The following ATP2A2 variants were observed in gnomAD, a reference collection of about 807,000 sequenced individuals.
The protein encoded by ATP2A2 is sarcoplasmic/endoplasmic reticulum calcium ATPase 2.
Under a neutral mutation model 109.3 loss-of-function variants are expected in ATP2A2, and 14 were observed. The observed-to-expected ratio is 0.13, with a 90% CI of 0.08 to 0.20. ATP2A2 has a LOEUF of 0.20. ATP2A2 is among the 10% of genes least tolerant of loss of function. The pLI is 1.00. For missense variants in ATP2A2, 657 were observed against 1,321.6 expected (o/e 0.50, Z 7.80); for synonymous variants, 506 against 490.9 (o/e 1.03, Z -0.41).
At position 110,350,466 on chromosome 12, in the gene ATP2A2, T is replaced by C. The variant is rs1880298652; in HGVS notation, c.*3996T>C. 42 of 1,113,226 alleles carry C rather than the reference T, an allele frequency of 3.8e-5. No homozygotes were observed. The South Asian group carries it at 5.4e-4, about 14-fold the overall frequency. 69.0% of individuals were successfully genotyped at this position (1,113,226 alleles called of 1,614,324 possible). ...TGTGTTATGTGGAGGAAATGTGTATTACCAATGGGGTTGTTAGCTTTTAAA... is the reference window on the plus strand; with the variant it reads ...TGTGTTATGTGGAGGAAATGTGTATCACCAATGGGGTTGTTAGCTTTTAAA... On this transcript the variant is annotated 3_prime_UTR_variant, in exon 20 of 20. Transcript: ENST00000539276.
rs1222341059 is a variant in ATP2A2, at chr12:110,307,227, T to TA, written c.463+10490_463+10491insA. On this transcript the variant is annotated intron_variant, in intron 5 of 19. Transcript: ENST00000539276. ...GTTCCCCCCAGCCCCACCACCTTTT[T>TA]TTTTTTTTTTTTCTTTTTTTTTGAG... 1.1e-3 allele frequency among the ~76,000 whole-genome samples: 167 copies of TA among 148,406 alleles called. 1 individual carries two copies. Among genetic ancestry groups the TA allele is most frequent in the Non-Finnish European group, 7.9e-4 (53 of 66,994 alleles).
intron 5 of ATP2A2, among the ~76,000 whole-genome samples, chr12:110,316,591 G>A (rs1049215389): frequency 2.0e-5 from 3 of 152,178 alleles, no homozygotes; most frequent in Admixed American, 6.6e-5. Context: ...TGTGTGCCAG[G>A]TATAGTGGTA....
chr12:110,286,214 C>A (rs898370937), intron 3 of ATP2A2, among the ~76,000 whole-genome samples: 2 of 152,112 alleles, frequency 1.3e-5, no homozygotes, highest in Non-Finnish European at 2.9e-5. Flanking sequence ...TGAACCACTG[C>A]GCCTGGCCTA....
chr12:110,319,886 T>C (rs1186579769), intron 5 of ATP2A2, among the ~76,000 whole-genome samples: 1 of 152,126 alleles, frequency 6.6e-6, no homozygotes, highest in Non-Finnish European at 1.5e-5. Context: ...CAGAAACTTT[T>C]TGAGCACCAA....
In ATP2A2 at chr12:110,340,247, G is replaced by A. The variant is rs542005295; in HGVS notation, c.1762-412G>A. On this transcript the variant is annotated intron_variant, in intron 13 of 19. Transcript: ENST00000539276. The surrounding 1 kb of genome is among the most constrained non-coding windows in gnomAD (Gnocchi z 6.0). ...GTATTTTTTTTTCTCATAAGAAAAT[G>A]CAAAAACCGCCAGGCACGGTGGCTC... 1.2e-4 allele frequency among the ~76,000 whole-genome samples: 18 copies of A among 152,080 alleles called. No individual in the cohort carries two copies. In the East Asian group the frequency reaches 3.1e-3, roughly 26 times the overall value.
intron 5 of ATP2A2, among the ~76,000 whole-genome samples, chr12:110,310,608 C>T (rs1192218737): frequency 6.6e-6 from 1 of 152,168 alleles, no homozygotes; most frequent in African/African-American, 2.4e-5. Context: ...GTAGTATATA[C>T]TCTGGAGCGA....
chr12:110,312,570 C>G (rs551178416), intron 5 of ATP2A2, among the ~76,000 whole-genome samples: 24 of 152,222 alleles, frequency 1.6e-4, no homozygotes, highest in Non-Finnish European at 3.2e-4. Context: ...GAAGTACAGG[C>G]CGGGCATGGT....
intron 5 of ATP2A2, among the ~76,000 whole-genome samples, chr12:110,311,746 A>G (rs2137769488): frequency 6.6e-6 from 1 of 151,886 alleles, no homozygotes; most frequent in African/African-American, 2.4e-5. Flanking sequence ...AAAAAAAAAA[A>G]AAAGGTGTTG....
At chr12:110,288,911 T>A (rs939842060) in intron 3 of ATP2A2, among the ~76,000 whole-genome samples, 1 of 152,124 alleles carries the variant, frequency 6.6e-6, no homozygotes, top group African/African-American at 2.4e-5. Flanking sequence ...TTACCCCATC[T>A]CCCTCCCAGT....
Position 110,327,169 on chromosome 12 carries a change from TG to T in ATP2A2, c.631-380del, listed in dbSNP as rs1877891074. ...GAGTAGGGGTTGTCAAGATAGCCCA[TG>T]GGGCTAGTTGCCGTTTCTATTACAG... On this transcript the variant is annotated intron_variant, in intron 7 of 19. Transcript: ENST00000539276. The surrounding 1 kb of genome is among the most constrained non-coding windows in gnomAD (Gnocchi z 4.4). Among the ~76,000 whole-genome samples, 1 of 152,200 alleles carries T rather than the reference TG, an allele frequency of 6.6e-6. No homozygotes were observed. Among genetic ancestry groups the T allele is most frequent in the Non-Finnish European group, 1.5e-5 (1 of 68,034 alleles).
At chr12:110,322,225 T>C (rs570023762) in intron 5 of ATP2A2, among the ~76,000 whole-genome samples, 1 of 152,344 alleles carries the variant, frequency 6.6e-6, no homozygotes, top group South Asian at 2.1e-4. Context: ...GAAGTTGTCA[T>C]TTTAGTATGA....
rs1043535231 is a variant in ATP2A2 at position 110,332,800 on chromosome 12, C to T, written c.1184+115C>T. 3 of 939,644 alleles carry T rather than the reference C, an allele frequency of 3.2e-6. No individual in the cohort carries two copies. The African/African-American group carries it at 4.9e-5, about 15-fold the overall frequency. 58.2% of individuals were successfully genotyped at this position (939,644 alleles called of 1,614,324 possible). A position where few individuals can be genotyped will look rare whatever the true frequency, so the allele number is the denominator to read the frequency against. On this transcript the variant is annotated intron_variant, in intron 9 of 19. Transcript: ENST00000539276. ...TTTCTGAATGTGGCTCAAGTCAACA[C>T]TTATTACTAAAGTAGTAAATGTTTT...
rs1872042944 is a variant in ATP2A2, at chr12:110,281,249, T to G, written c.-541T>G. ...GGAGGCAGCGGCCGATAAATGCTAT[T>G]AGAGCAGCCGCCGCGGAGCCGTCCC... On this transcript the variant is annotated 5_prime_UTR_variant, in exon 1 of 20. The change creates a new upstream start codon in the 5' untranslated region. Coordinates refer to ENST00000539276, the MANE Select transcript of ATP2A2 (RefSeq NM_170665.4). The G allele has an allele frequency of 6.6e-6, 1 of 151,074 alleles. No individual in the cohort carries two copies. The highest frequency in any genetic ancestry group is 2.4e-5 in the African/African-American group (1 of 41,228). 9.4% of individuals were successfully genotyped at this position (151,074 alleles called of 1,614,324 possible).
upstream of ATP2A2, chr12:110,280,820 G>A (rs960460047): frequency 4.6e-5 from 7 of 152,234 alleles, no homozygotes; most frequent in Non-Finnish European, 1.0e-4. Context: ...AGGGCGAGGA[G>A]GCGAGCCAAG....
chr12:110,299,591 G>A (rs947964189), intron 5 of ATP2A2, among the ~76,000 whole-genome samples: 6 of 152,224 alleles, frequency 3.9e-5, no homozygotes, highest in Non-Finnish European at 7.4e-5. Context: ...CAAAGAGTGA[G>A]CCTCTGACTT....
chr12:110,295,344 T>A (rs1001480895), intron 4 of ATP2A2, among the ~76,000 whole-genome samples: 5 of 152,084 alleles, frequency 3.3e-5, no homozygotes, highest in African/African-American at 1.2e-4. Flanking sequence ...GCATTTTTCG[T>A]AGAGACACTG....
At chr12:110,341,026 A>AG in intron 14 of ATP2A2, 32 bp downstream of exon 14, 1 of 1,608,606 alleles carries the variant, frequency 6.2e-7, no homozygotes, top group African/African-American at 1.3e-5. Flanking sequence ...CAGGTGACTC[A>AG]GGCTACACAA....
intron 5 of ATP2A2, among the ~76,000 whole-genome samples, chr12:110,307,051 G>A (rs547761825): frequency 3.6e-4 from 55 of 152,076 alleles, no homozygotes; most frequent in African/African-American, 1.2e-3. Context: ...GAGCCACCAC[G>A]CCCGGCCACA....
At chr12:110,283,036 T>G (rs564459878) in intron 3 of ATP2A2, among the ~76,000 whole-genome samples, 12 of 152,354 alleles carry the variant, frequency 7.9e-5, no homozygotes, top group African/African-American at 2.9e-4. Context: ...GAGTGTGGCA[T>G]GGTCTTAGAA....
Sources: allele counts gnomAD v4.1 joint callset (sites outside exome capture counted in the v4.1 genomes callset), GRCh38; gene constraint gnomAD v4.1.1; non-coding constraint Gnocchi (gnomAD v3.1); transcripts MANE v1.5; gene names NCBI Gene and HGNC (gene_info 2026-07-23, HGNC 2026-07-21).